The following CLEC3A variants were observed in gnomAD, a reference collection of about 807,000 sequenced individuals.
CLEC3A encodes C-type lectin domain family 3 member A.
CLEC3A carries 28 observed loss-of-function variants against 20.4 expected under a neutral mutation model. The ratio of observed to expected loss-of-function variants is 1.37; its 90% CI spans 1.02 to 1.88. CLEC3A has a LOEUF of 1.88. Among genes scored for constraint, CLEC3A ranks in the 40% most tolerant of loss-of-function variants. The pLI is 0.00. For synonymous variants in CLEC3A, 110 were observed against 88.1 expected (o/e 1.25, Z -1.39); for missense variants, 357 against 240.4 (o/e 1.48, Z -3.21).
chr16:78,028,661 G>A (rs903008993), intron 2 of CLEC3A, among the ~76,000 whole-genome samples: 27 of 152,220 alleles, frequency 1.8e-4, no homozygotes, highest in Non-Finnish European at 3.4e-4. Context: ...TACTGCCCAG[G>A]AGCTATTCTC....
intron 1 of CLEC3A, among the ~76,000 whole-genome samples, chr16:78,025,173 T>A (rs1036110295): frequency 8.1e-4 from 124 of 152,380 alleles, no homozygotes; most frequent in African/African-American, 2.9e-3. Flanking sequence ...GAATTGGCTA[T>A]GCAGAATGTT....
At position 78,027,767 on chromosome 16, in the gene CLEC3A, T is replaced by C. The variant is rs535469751; in HGVS notation, c.116-340T>C. On this transcript the variant is annotated intron_variant, in intron 1 of 2. Transcript: ENST00000299642. ...GCCTCCCAAGTTGAAGCAGTTCTCA[T>C]GCCTCAGCTTCCCAAATAGCTGGAA... 3.3e-5 allele frequency among the ~76,000 whole-genome samples: 5 copies of C among 152,306 alleles called. No homozygotes were observed. The East Asian group carries it at 9.7e-4, about 29-fold the overall frequency.
intron 1 of CLEC3A, among the ~76,000 whole-genome samples, chr16:78,025,345 A>C (rs1228841575): frequency 6.6e-6 from 1 of 152,182 alleles, no homozygotes; most frequent in Non-Finnish European, 1.5e-5. Flanking sequence ...CAATAGCCCC[A>C]AGTAACTGCT....
chr16:78,031,895 C>A lies in CLEC3A; in HGVS notation c.*1054C>A, dbSNP rs912611194. The A allele has an allele frequency of 4.6e-5, 7 of 152,380 alleles. No individual in the cohort carries two copies. The highest frequency in any genetic ancestry group is 8.8e-5 in the Non-Finnish European group (6 of 68,010). The allele number at this position is 152,380 out of a possible 1,614,324, so 9.4% of individuals were successfully genotyped here. ...ACAAAATAACTTCATTGCTTAATAT[C>A]AAATTACAAAGTTTAGACTTGGAGG... On this transcript the variant is annotated 3_prime_UTR_variant, in exon 3 of 3. Transcript: ENST00000299642.
rs2030078047 is a variant in CLEC3A, at chr16:78,030,810, G to C, written c.563G>C (p.Arg188Thr). 6 of 1,613,796 alleles carry C rather than the reference G, an allele frequency of 3.7e-6. No homozygotes were observed. Among genetic ancestry groups the C allele is most frequent in the Non-Finnish European group, 5.1e-6 (6 of 1,179,902 alleles). The stretch of plus-strand genomic sequence containing the variant: ...GATGAGGCCTGTCGCAGCAGCAAGA[G>C]ATACATATGCGAGTTCACCATCCCT... ...WSDEACRSSK[R>T]YICEFTIPQ Residue 188 changes from arginine to threonine, a missense_variant, in exon 3 of 3, where the codon AGA becomes ACA. Coordinates refer to ENST00000299642, the MANE Select transcript of CLEC3A (RefSeq NM_005752.6).
At chr16:78,025,397 T>C (rs1241029894) in intron 1 of CLEC3A, among the ~76,000 whole-genome samples, 1 of 152,226 alleles carries the variant, frequency 6.6e-6, no homozygotes, top group Middle Eastern at 3.2e-3. Flanking sequence ...TTATGAGACA[T>C]TTCCAGAAGT....
intron 1 of CLEC3A, among the ~76,000 whole-genome samples, chr16:78,024,661 C>T (rs75419329): frequency 0.035 from 5,370 of 152,184 alleles, 129 homozygotes; most frequent in Non-Finnish European, 0.048. Context: ...ATATCCCCAC[C>T]CATCCATATA....
In CLEC3A at chr16:78,022,613, C is replaced by T; in HGVS notation, c.-14C>T. The T allele has an allele frequency of 6.2e-7, 1 of 1,613,654 alleles. No homozygotes were observed. The highest frequency in any genetic ancestry group is 1.1e-5 in the South Asian group (1 of 90,964). On this transcript the variant is annotated 5_prime_UTR_variant, in exon 1 of 3. Transcript: ENST00000299642. Reference sequence around the variant, plus strand: ...GGGGCTGGCAACATGGCTCAGCAGGCTTGCCCCAGAGCCATGGCAAAGAAT... The same window carrying T: ...GGGGCTGGCAACATGGCTCAGCAGGTTTGCCCCAGAGCCATGGCAAAGAAT...
intron 2 of CLEC3A, 91 bp downstream of exon 2, chr16:78,028,281 T>C (rs770559805): frequency 4.4e-6 from 4 of 903,712 alleles, no homozygotes; most frequent in East Asian, 2.8e-5. Flanking sequence ...AAAAGAAACA[T>C]TGACAAATCA....
chr16:78,030,164 A>AAC (rs1389917907), intron 2 of CLEC3A, among the ~76,000 whole-genome samples: 1 of 151,744 alleles, frequency 6.6e-6, no homozygotes, highest in Non-Finnish European at 1.5e-5. Context: ...AAAAAAAAAA[A>AAC]AAAAAAATGC....
chr16:78,030,685 A>C lies in CLEC3A; in HGVS notation c.438A>C (p.Gly146=). Residue 146 remains glycine (G), a synonymous_variant, in exon 3 of 3, where the codon GGA becomes GGC. Coordinates refer to ENST00000299642, the MANE Select transcript of CLEC3A (RefSeq NM_005752.6). The stretch of plus-strand genomic sequence containing the variant: ...AAGGCAAGTTTGTTGACGTCAACGG[A>C]ATCGCTATCTCCTTCCTCAACTGGG... The part of the protein sequence containing the change: ...VTEGKFVDVN[G]IAISFLNWDR... 2.5e-6 allele frequency: 4 copies of C among 1,614,152 alleles called. No individual in the cohort carries two copies. The highest frequency in any genetic ancestry group is 2.2e-5 in the South Asian group (2 of 91,070).
At position 78,023,956 on chromosome 16, in the gene CLEC3A, G is replaced by A. The variant is rs141562857; in HGVS notation, c.115+1215G>A. Among the ~76,000 whole-genome samples, 615 of 151,824 alleles carry A rather than the reference G, an allele frequency of 4.1e-3. 2 individuals carry two copies. Among genetic ancestry groups the A allele is most frequent in the East Asian group, 0.02 (100 of 5,128 alleles). ...GTATTTTTAGTAGAGACGAGGTTTC[G>A]CCGTGTTAGCCAGGATGGTCTCGAT... On this transcript the variant is annotated intron_variant, in intron 1 of 2. Coordinates refer to ENST00000299642, the MANE Select transcript of CLEC3A (RefSeq NM_005752.6).
chr16:78,030,101 C>T (rs973377241), intron 2 of CLEC3A, among the ~76,000 whole-genome samples: 4 of 135,668 alleles, frequency 2.9e-5, no homozygotes, highest in South Asian at 2.4e-4. Context: ...TGCAGTGAGC[C>T]GAGATGGCGC....
At chr16:78,023,409 G>C (rs1324099910) in intron 1 of CLEC3A, among the ~76,000 whole-genome samples, 2 of 152,040 alleles carry the variant, frequency 1.3e-5, no homozygotes, top group African/African-American at 2.4e-5. Context: ...CTCAAATTTT[G>C]AGTGACTTGA....
chr16:78,023,910 A>G (rs2018780350), intron 1 of CLEC3A, among the ~76,000 whole-genome samples: 1 of 151,906 alleles, frequency 6.6e-6, no homozygotes, highest in Admixed American at 6.6e-5. Flanking sequence ...GGCGCCTGCC[A>G]CCACGCTCGA....
intron 2 of CLEC3A, among the ~76,000 whole-genome samples, chr16:78,030,193 A>C (rs2030051327): frequency 6.6e-6 from 1 of 151,946 alleles, no homozygotes; most frequent in Admixed American, 6.6e-5. Flanking sequence ...TACAAGTAAC[A>C]ACTTCTCTAA....
At chr16:78,029,836 C>T (rs993287754) in intron 2 of CLEC3A, among the ~76,000 whole-genome samples, 4 of 152,040 alleles carry the variant, frequency 2.6e-5, no homozygotes, top group African/African-American at 4.8e-5. Flanking sequence ...GCTGTGATCT[C>T]ACATGCTGCA....
chr16:78,031,869 TACAA>T lies in CLEC3A; in HGVS notation c.*1030_*1033del, dbSNP rs1252069343. The T allele has an allele frequency of 6.6e-6, 1 of 152,302 alleles. No individual in the cohort carries two copies. The highest frequency in any genetic ancestry group is 1.5e-5 in the Non-Finnish European group (1 of 68,024). 9.4% of individuals were successfully genotyped at this position (152,302 alleles called of 1,614,324 possible). ...CTATTCTGCTTGTTTAACTAGATTG[TACAA>T]AATAACTTCATTGCTTAATATCAAA... On this transcript the variant is annotated 3_prime_UTR_variant, in exon 3 of 3. Transcript: ENST00000299642.
intron 2 of CLEC3A, among the ~76,000 whole-genome samples, chr16:78,028,636 T>G (rs2029994405): frequency 6.6e-6 from 1 of 152,242 alleles, no homozygotes; most frequent in African/African-American, 2.4e-5. Context: ...CCCACAGTTA[T>G]GCAGCCACAT....
Sources: allele counts gnomAD v4.1 joint callset (sites outside exome capture counted in the v4.1 genomes callset), GRCh38; gene constraint gnomAD v4.1.1; transcripts MANE v1.5; gene names NCBI Gene and HGNC (gene_info 2026-07-23, HGNC 2026-07-21).